The following SCAMP5 variants were observed in gnomAD, a reference collection of about 807,000 sequenced individuals.
SCAMP5 encodes secretory carrier membrane protein 5, also known as secretory carrier-associated membrane protein 5.
SCAMP5 carries 7 observed loss-of-function variants against 28.3 expected under a neutral mutation model. That is an observed-to-expected ratio of 0.25 (90% CI 0.14 to 0.46). The LOEUF is 0.46. SCAMP5 is among the 20% of genes least tolerant of loss of function. The pLI is 0.99. For synonymous variants in SCAMP5, 117 were observed against 116.4 expected (o/e 1.00, Z -0.03); for missense variants, 192 against 312.5 (o/e 0.61, Z 2.91).
Position 74,996,198 on chromosome 15 carries a change from G to A in SCAMP5, c.-49+525G>A, listed in dbSNP as rs552935800. Reference sequence around the variant, plus strand: ...GATGGCGGACCTCAGCCGCCCCAGGGTTGCGAGGCGACGGGCGCGCTGGCC... The same window carrying A: ...GATGGCGGACCTCAGCCGCCCCAGGATTGCGAGGCGACGGGCGCGCTGGCC... On this transcript the variant is annotated intron_variant, in intron 1 of 6. Coordinates refer to ENST00000425597, the MANE Select transcript of SCAMP5 (RefSeq NM_138967.4). The surrounding 1 kb of genome is among the most constrained non-coding windows in gnomAD (Gnocchi z 4.1). The A allele has an allele frequency of 6.6e-6, 1 of 152,582 alleles. No homozygotes were observed. The highest frequency in any genetic ancestry group is 2.1e-4 in the South Asian group (1 of 4,836). The allele number at this position is 152,582 out of a possible 1,614,324, so 9.5% of individuals were successfully genotyped here.
chr15:75,004,845 AGTT>A (rs1169518840), intron 1 of SCAMP5, among the ~76,000 whole-genome samples: 1 of 152,046 alleles, frequency 6.6e-6, no homozygotes, highest in Non-Finnish European at 1.5e-5. Flanking sequence ...AAGTTTCTCT[AGTT>A]GTCCTAAAAA....
At position 74,996,205 on chromosome 15, in the gene SCAMP5, G is replaced by A. The variant is rs1471391936; in HGVS notation, c.-49+532G>A. The stretch of plus-strand genomic sequence containing the variant: ...GACCTCAGCCGCCCCAGGGTTGCGA[G>A]GCGACGGGCGCGCTGGCCCAGGCCA... On this transcript the variant is annotated intron_variant, in intron 1 of 6. Coordinates refer to ENST00000425597, the MANE Select transcript of SCAMP5 (RefSeq NM_138967.4). The surrounding 1 kb of genome is among the most constrained non-coding windows in gnomAD (Gnocchi z 4.1). The A allele has an allele frequency of 6.6e-6, 1 of 152,468 alleles. No individual in the cohort carries two copies. The highest frequency in any genetic ancestry group is 1.5e-5 in the Non-Finnish European group (1 of 68,220). The allele number at this position is 152,468 out of a possible 1,614,324, so 9.4% of individuals were successfully genotyped here. A position where few individuals can be genotyped will look rare whatever the true frequency, so the allele number is the denominator to read the frequency against.
intron 1 of SCAMP5, among the ~76,000 whole-genome samples, chr15:75,009,669 T>C (rs1271629307): frequency 2.0e-5 from 3 of 151,780 alleles, no homozygotes; most frequent in Non-Finnish European, 4.4e-5. Context: ...AGAGATGGAG[T>C]CTCACTGTGT....
chr15:75,014,689 A>T (rs2065843922), intron 3 of SCAMP5, among the ~76,000 whole-genome samples: 1 of 152,176 alleles, frequency 6.6e-6, no homozygotes, highest in Non-Finnish European at 1.5e-5. Context: ...TCTAAGCTGG[A>T]TAAGGAGAAG....
At chr15:74,995,876 G>T in intron 1 of SCAMP5, 1 of 153,806 alleles carries the variant, frequency 6.5e-6, no homozygotes, top group Non-Finnish European at 1.4e-5. Flanking sequence ...GGCGCACCCA[G>T]GCCCCCCGAG....
chr15:75,016,877 C>T, intron 4 of SCAMP5, 128 bp downstream of exon 4: 1 of 904,832 alleles, frequency 1.1e-6, no homozygotes, highest in African/African-American at 1.7e-5. Flanking sequence ...CCTTGCTCAC[C>T]TTTGGCTCAG....
intron 1 of SCAMP5, among the ~76,000 whole-genome samples, chr15:74,999,438 G>C (rs955455673): frequency 3.9e-5 from 6 of 151,938 alleles, no homozygotes; most frequent in African/African-American, 1.4e-4. Context: ...TTCCAAACTG[G>C]ACTACTCTCC....
chr15:75,010,781 G>GA (rs60018418), intron 1 of SCAMP5, among the ~76,000 whole-genome samples: 7,479 of 145,168 alleles, frequency 0.052, 582 homozygotes, highest in African/African-American at 0.17. Context: ...CCCTGTCTAA[G>GA]AAAAAAAAAA....
chr15:75,017,985 G>T lies in SCAMP5; in HGVS notation c.395+14G>T. The T allele has an allele frequency of 6.4e-7, 1 of 1,560,936 alleles. No homozygotes were observed. ...CTGGGGCGTCTGGTAAGAGGCAGGG[G>T]TGTGGCCTGGGGCTGGCAGGGGTGG... is the stretch of plus-strand genomic sequence containing the variant. On this transcript the variant is annotated intron_variant, in intron 5 of 6. Coordinates refer to ENST00000425597, the MANE Select transcript of SCAMP5 (RefSeq NM_138967.4).
Position 74,996,721 on chromosome 15 carries a change from T to A in SCAMP5, c.-49+1048T>A, listed in dbSNP as rs2065657739. 6.6e-6 allele frequency among the ~76,000 whole-genome samples: 1 copy of A among 152,216 alleles called. No homozygotes were observed. The highest frequency in any genetic ancestry group is 2.4e-5 in the African/African-American group (1 of 41,456). On this transcript the variant is annotated intron_variant, in intron 1 of 6. Coordinates refer to ENST00000425597, the MANE Select transcript of SCAMP5 (RefSeq NM_138967.4). The surrounding 1 kb of genome is among the most constrained non-coding windows in gnomAD (Gnocchi z 4.1). ...AATTTGCAACCTGTCCCCTACATGT[T>A]CTGCCTCACGGAGCAGGGCTCTGAA...
Position 75,020,848 on chromosome 15 carries a change from T to G in SCAMP5, c.*1865T>G, listed in dbSNP as rs1227177196. On this transcript the variant is annotated 3_prime_UTR_variant, in exon 7 of 7. Transcript: ENST00000425597. The stretch of plus-strand genomic sequence containing the variant: ...CAGGGGCCTCTGGAAATTCTCTTCC[T>G]GATGGTCCTTTAGGTTTGGGCACAA... 6.6e-6 allele frequency: 1 copy of G among 152,220 alleles called. No homozygotes were observed. Among genetic ancestry groups the G allele is most frequent in the East Asian group, 1.9e-4 (1 of 5,192 alleles). 9.4% of individuals were successfully genotyped at this position (152,220 alleles called of 1,614,324 possible).
At chr15:75,016,495 C>G (rs1350522976) in intron 3 of SCAMP5, 98 bp from the exon 4 acceptor site, 2 of 1,127,654 alleles carry the variant, frequency 1.8e-6, no homozygotes, top group Admixed American at 2.1e-5. Flanking sequence ...GTCTCTGTTG[C>G]GTTACTGGTG....
chr15:75,016,825 ACTT>A (rs2065863725), intron 4 of SCAMP5, 76 bp downstream of exon 4: 9 of 1,133,706 alleles, frequency 7.9e-6, no homozygotes, highest in Non-Finnish European at 9.3e-6. Flanking sequence ...ATCTTTTCTC[ACTT>A]CTTTTTTTTT....
At chr15:75,011,340 T>C (rs540781722) in intron 1 of SCAMP5, among the ~76,000 whole-genome samples, 1 of 152,334 alleles carries the variant, frequency 6.6e-6, no homozygotes, top group South Asian at 2.1e-4. Flanking sequence ...GGTGATTGAC[T>C]GTTTCATGGG....
At chr15:75,007,906 C>G (rs1000157789) in intron 1 of SCAMP5, among the ~76,000 whole-genome samples, 2 of 152,084 alleles carry the variant, frequency 1.3e-5, no homozygotes, top group Non-Finnish European at 2.9e-5. Context: ...TGCTGTGTTA[C>G]CCAGGCTGGT....
chr15:75,004,809 T>C (rs1479470891), intron 1 of SCAMP5, among the ~76,000 whole-genome samples: 1 of 152,060 alleles, frequency 6.6e-6, no homozygotes, highest in Non-Finnish European at 1.5e-5. Context: ...TAGTGAATAG[T>C]AGTATCTACT....
At chr15:75,016,220 G>T (rs59094290) in intron 3 of SCAMP5, among the ~76,000 whole-genome samples, 45,693 of 151,842 alleles carry the variant, frequency 0.3, 7,819 homozygotes, top group South Asian at 0.58. Context: ...CTTCAAAGGG[G>T]CTTGCTGGGC....
intron 3 of SCAMP5, among the ~76,000 whole-genome samples, chr15:75,013,404 T>C (rs1016660556): frequency 1.3e-5 from 2 of 152,120 alleles, no homozygotes; most frequent in Admixed American, 6.6e-5. Flanking sequence ...GGTCTATACC[T>C]GTAAGAGTCT....
intron 1 of SCAMP5, among the ~76,000 whole-genome samples, chr15:74,998,723 C>T (rs182925866): frequency 6.6e-6 from 1 of 151,044 alleles, no homozygotes; most frequent in African/African-American, 2.4e-5. Flanking sequence ...AAGCCTGGAG[C>T]CTTCCATTTC....
Sources: allele counts gnomAD v4.1 joint callset (sites outside exome capture counted in the v4.1 genomes callset), GRCh38; gene constraint gnomAD v4.1.1; non-coding constraint Gnocchi (gnomAD v3.1); transcripts MANE v1.5; gene names NCBI Gene and HGNC (gene_info 2026-07-23, HGNC 2026-07-21).